Variants in SEC24D observed in about 807,000 individuals in gnomAD.
SEC24D encodes the protein SEC24 homolog D, COPII component.
In SEC24D, 69 loss-of-function variants were observed where a neutral mutation model predicts 116.9. That is an observed-to-expected ratio of 0.59 (90% CI 0.49 to 0.72). The LOEUF (loss-of-function observed/expected upper bound fraction) is 0.72, where lower values mean the gene tolerates loss of function less well. SEC24D is among the 30% of genes least tolerant of loss of function. The pLI, the probability that SEC24D is intolerant of heterozygous loss-of-function variation, is 0.00. For missense variants in SEC24D, 1,131 were observed against 1,264.1 expected (o/e 0.89, Z 1.60); for synonymous variants, 405 against 442.8 (o/e 0.91, Z 1.07).
chr4:118,738,957 C>A (rs1726098102), intron 18 of SEC24D, among the ~76,000 whole-genome samples, 192 bp downstream of exon 18: 1 of 152,154 alleles, frequency 6.6e-6, no homozygotes, highest in South Asian at 2.1e-4. Context: ...TATAGCCAGA[C>A]CCTGAACTGA....
Position 118,768,280 on chromosome 4 carries a change from C to T in SEC24D, c.1073G>A (p.Ser358Asn). 6.2e-7 allele frequency: 1 copy of T among 1,613,822 alleles called. No homozygotes were observed. Among genetic ancestry groups the T allele is most frequent in the South Asian group, 1.1e-5 (1 of 91,040 alleles). Residue 358 changes from serine to asparagine, a missense_variant, in exon 9 of 23, where the codon AGT becomes AAT. Physicochemically the swap from Ser to Asn is conservative, Grantham distance 46. Transcript: ENST00000280551. ...GCACCTGTTGCATCTGACTGGTCCA[C>T]TCTCGCCGTGATTTACCAAGTAAAG... ...SPLYLVNHGE[S>N]GPVRCNRCKA...
rs1729241333 is a variant in SEC24D at position 118,797,706 on chromosome 4, A to G, written c.1018T>C (p.Phe340Leu). The G allele has an allele frequency of 1.2e-6, 2 of 1,606,360 alleles. No homozygotes were observed. Residue 340 changes from phenylalanine (F) to leucine (L), a missense_variant, in exon 8 of 23, where the codon TTT (phenylalanine) becomes CTT (leucine). Transcript: ENST00000280551. ...QIPLAAVIKP[F>L]ATIPSNESPL... ...ACCTCATTTGAAGGAATGGTGGCAA[A>G]GGGCTTGATGACAGCAGCTAATGGA...
At chr4:118,833,471 A>G in intron 2 of SEC24D, 108 bp downstream of exon 2, 1 of 731,180 alleles carries the variant, frequency 1.4e-6, no homozygotes, top group Non-Finnish European at 2.3e-6. Context: ...AAGCCATTTC[A>G]TTATATAATG....
rs777728638 is a variant in SEC24D at position 118,731,421 on chromosome 4, C to T, written c.2763G>A (p.Leu921=). The T allele has an allele frequency of 3.1e-6, 5 of 1,613,918 alleles. No individual in the cohort carries two copies. Among genetic ancestry groups the T allele is most frequent in the African/African-American group, 1.3e-5 (1 of 74,918 alleles). ...ACAGGAACATGTGTAGACCATTAGCCAGTAAGAATATTCCTTCTTCTGAAA... is the reference window on the plus strand; with the variant it reads ...ACAGGAACATGTGTAGACCATTAGCTAGTAAGAATATTCCTTCTTCTGAAA... The part of the protein sequence containing the change: ...SRLSEEGIFL[L]ANGLHMFLWL... Residue 921 remains leucine (L), a synonymous_variant, in exon 21 of 23, where the codon CTG becomes CTA. Coordinates refer to ENST00000280551, the MANE Select transcript of SEC24D (RefSeq NM_014822.4).
chr4:118,812,842 C>T (rs980036847), intron 6 of SEC24D, among the ~76,000 whole-genome samples: 5 of 152,240 alleles, frequency 3.3e-5, no homozygotes, highest in South Asian at 2.1e-4. Context: ...CACCTATAGA[C>T]GGCAAACTAA....
intron 6 of SEC24D, 58 bp from the exon 7 acceptor site, chr4:118,806,012 C>A: frequency 1.8e-6 from 2 of 1,109,588 alleles, no homozygotes; most frequent in Non-Finnish European, 2.7e-6. Flanking sequence ...CCCAACATTC[C>A]ATTTAGAGAG....
chr4:118,794,072 C>T (rs1422995361), intron 8 of SEC24D, among the ~76,000 whole-genome samples: 6 of 152,126 alleles, frequency 3.9e-5, no homozygotes, highest in Non-Finnish European at 5.9e-5. Context: ...CTAAAAGATC[C>T]TATGTTACTG....
chr4:118,831,722 G>C (rs1304741915), intron 2 of SEC24D, among the ~76,000 whole-genome samples: 2 of 151,892 alleles, frequency 1.3e-5, no homozygotes, highest in African/African-American at 4.8e-5. Flanking sequence ...GATACCCCTG[G>C]TCTAGAGCTT....
At chr4:118,765,786 G>C (rs780071803) in intron 9 of SEC24D, among the ~76,000 whole-genome samples, 3 of 151,910 alleles carry the variant, frequency 2.0e-5, no homozygotes, top group Non-Finnish European at 2.9e-5. Context: ...CTGTGAAACT[G>C]ACATAAGAAT....
At chr4:118,739,352 C>G (rs1245991841) in intron 17 of SEC24D, 65 bp from the exon 18 acceptor site, 6 of 1,504,230 alleles carry the variant, frequency 4.0e-6, no homozygotes, top group South Asian at 3.6e-5. Context: ...CTAACTTGAT[C>G]TTACTTGCAT....
chr4:118,732,460 C>G (rs1442565132), intron 20 of SEC24D, among the ~76,000 whole-genome samples: 3 of 152,120 alleles, frequency 2.0e-5, no homozygotes, highest in Non-Finnish European at 4.4e-5. Flanking sequence ...ATTATTTTAA[C>G]AGGATGCCCT....
intron 6 of SEC24D, among the ~76,000 whole-genome samples, chr4:118,812,041 G>C (rs1278285057): frequency 6.6e-6 from 1 of 152,096 alleles, no homozygotes; most frequent in Non-Finnish European, 1.5e-5. Flanking sequence ...GTAGCGATGT[G>C]CCAGTTCCAA....
At chr4:118,819,725 G>T (rs1403527851) in intron 3 of SEC24D, among the ~76,000 whole-genome samples, 2 of 152,014 alleles carry the variant, frequency 1.3e-5, no homozygotes, top group African/African-American at 4.8e-5. Context: ...ATTTTCAAAG[G>T]TGTTTCATAA....
At chr4:118,789,890 G>A (rs937625588) in intron 8 of SEC24D, among the ~76,000 whole-genome samples, 1 of 152,150 alleles carries the variant, frequency 6.6e-6, no homozygotes. Flanking sequence ...TGCCTCAACA[G>A]CATTTATTAA....
At chr4:118,740,596 G>A in intron 17 of SEC24D, 67 bp downstream of exon 17, 2 of 1,537,282 alleles carry the variant, frequency 1.3e-6, no homozygotes, top group African/African-American at 1.4e-5. Flanking sequence ...TGGTATTTCA[G>A]TCTCCCCACT....
chr4:118,795,226 C>CA (rs1414530515), intron 8 of SEC24D, among the ~76,000 whole-genome samples: 1 of 148,088 alleles, frequency 6.8e-6, no homozygotes, highest in African/African-American at 2.5e-5. Context: ...TTTTTTGAGA[C>CA]AGAGTCTCCC....
At chr4:118,725,539 ACTTT>A (rs905141790) in intron 22 of SEC24D, among the ~76,000 whole-genome samples, 24 of 152,270 alleles carry the variant, frequency 1.6e-4, no homozygotes, top group African/African-American at 5.5e-4. Flanking sequence ...TTTAGAATTT[ACTTT>A]CTTTATGGAA....
At chr4:118,745,683 C>G (rs1193824884) in intron 13 of SEC24D, among the ~76,000 whole-genome samples, 1 of 152,162 alleles carries the variant, frequency 6.6e-6, no homozygotes, top group Non-Finnish European at 1.5e-5. Flanking sequence ...GTCAAGTCAG[C>G]ATTAAGAATC....
intron 20 of SEC24D, 48 bp from the exon 21 acceptor site, chr4:118,731,555 C>T (rs745635794): frequency 3.3e-6 from 5 of 1,494,334 alleles, no homozygotes. Flanking sequence ...CTTCCCCTTC[C>T]CTTCCCTCCT....
Sources: allele counts gnomAD v4.1 joint callset (sites outside exome capture counted in the v4.1 genomes callset), GRCh38; gene constraint gnomAD v4.1.1; transcripts MANE v1.5; gene names NCBI Gene and HGNC (gene_info 2026-07-23, HGNC 2026-07-21).